The following PEX5L variants were observed in gnomAD, a reference collection of about 807,000 sequenced individuals.
PEX5L encodes PEX5-related protein.
A neutral mutation model predicts 84.0 loss-of-function variants in PEX5L; 30 were observed. The observed-to-expected ratio is 0.36, with a 90% CI of 0.27 to 0.48. The LOEUF is 0.48. Ranked by LOEUF, PEX5L falls within the 20% of genes least tolerant of loss-of-function variation. The probability of loss-of-function intolerance (pLI) is 0.99; values close to 1 mark genes in which losing one functional copy is unlikely to be tolerated. For synonymous variants in PEX5L, 270 were observed against 283.1 expected, an observed-to-expected ratio of 0.95 and a Z score of 0.46; for missense variants, 533 against 754.6, an observed-to-expected ratio of 0.71 and a Z score of 3.44.
At chr3:179,808,544 T>C in intron 12 of PEX5L, 107 bp from the exon 13 acceptor site, 1 of 830,668 alleles carries the variant, frequency 1.2e-6, no homozygotes, top group Non-Finnish European at 1.7e-6. Context: ...CGTTACAGAC[T>C]GGAAAATTTT....
intron 2 of PEX5L, among the ~76,000 whole-genome samples, chr3:179,912,653 T>C (rs1012045423): frequency 2.0e-5 from 3 of 152,104 alleles, no homozygotes; most frequent in African/African-American, 7.2e-5. Flanking sequence ...GAATTTATGT[T>C]TGAAAATTTA....
At chr3:179,804,504 T>C (rs1001097856) in intron 14 of PEX5L, 5 of 152,172 alleles carry the variant, frequency 3.3e-5, no homozygotes, top group African/African-American at 1.2e-4. Context: ...TGGAGCTCTA[T>C]TGACAAAGGT....
chr3:179,828,449 T>A (rs1331583360), intron 8 of PEX5L, among the ~76,000 whole-genome samples: 2 of 152,164 alleles, frequency 1.3e-5, no homozygotes, highest in Non-Finnish European at 2.9e-5. Context: ...AACTTTCAGA[T>A]GCTGCATGTA....
At chr3:180,016,531 T>C (rs1789963380) in intron 1 of PEX5L, among the ~76,000 whole-genome samples, 4 of 152,202 alleles carry the variant, frequency 2.6e-5, no homozygotes, top group Admixed American at 2.0e-4. Context: ...CACGCAGGAA[T>C]GAACAATACA....
chr3:179,859,552 T>G (rs951976431), intron 7 of PEX5L, among the ~76,000 whole-genome samples: 53 of 152,336 alleles, frequency 3.5e-4, no homozygotes, highest in African/African-American at 1.3e-3. Flanking sequence ...TATTCAAGCT[T>G]TCAGCTTGTG....
In PEX5L at chr3:179,796,049, A is replaced by G. The variant is rs555428679; in HGVS notation, c.*5779T>C. 1.3e-5 allele frequency: 2 copies of G among 152,324 alleles called. No individual in the cohort carries two copies. Among genetic ancestry groups the G allele is most frequent in the Non-Finnish European group, 2.9e-5 (2 of 68,026 alleles). 9.4% of individuals were successfully genotyped at this position (152,324 alleles called of 1,614,324 possible). On this transcript the variant is annotated 3_prime_UTR_variant, in exon 15 of 15. Transcript: ENST00000467460. ...ATTTCTCACATGGCAGAATTCTTGT[A>G]TGGTATCCATGCAGAAATGCTATAT...
At chr3:179,980,356 A>G (rs556585624) in intron 1 of PEX5L, among the ~76,000 whole-genome samples, 1 of 152,234 alleles carries the variant, frequency 6.6e-6, no homozygotes, top group South Asian at 2.1e-4. Flanking sequence ...CACAGTCATG[A>G]CATCTTAGAA....
chr3:179,804,927 T>C (rs12106676), intron 14 of PEX5L, among the ~76,000 whole-genome samples: 1,654 of 152,294 alleles, frequency 0.011, 24 homozygotes, highest in Middle Eastern at 0.031. Context: ...GAGACAAGTC[T>C]GGCCAACCTG....
At chr3:180,011,674 T>C (rs921802948) in intron 1 of PEX5L, among the ~76,000 whole-genome samples, 1 of 152,204 alleles carries the variant, frequency 6.6e-6, no homozygotes. Flanking sequence ...AAATGAGATA[T>C]AGTTTGCTAA....
intron 4 of PEX5L, among the ~76,000 whole-genome samples, chr3:179,886,195 T>C (rs1335494647): frequency 6.6e-6 from 1 of 152,218 alleles, no homozygotes; most frequent in African/African-American, 2.4e-5. Flanking sequence ...TCACCTGCAA[T>C]TGGACATACA....
chr3:179,990,812 A>G (rs1388229198), intron 1 of PEX5L, among the ~76,000 whole-genome samples: 1 of 152,164 alleles, frequency 6.6e-6, no homozygotes, highest in Non-Finnish European at 1.5e-5. Flanking sequence ...TTTAATTTTC[A>G]CAGACTCCTG....
At chr3:179,971,568 G>T in intron 2 of PEX5L, 26 bp downstream of exon 2, 1 of 1,597,236 alleles carries the variant, frequency 6.3e-7, no homozygotes, top group African/African-American at 1.3e-5. Context: ...TAGAACAGTA[G>T]AAAATGTACG....
chr3:180,033,208 G>C (rs941393728), intron 1 of PEX5L, among the ~76,000 whole-genome samples: 1 of 152,126 alleles, frequency 6.6e-6, no homozygotes. Flanking sequence ...TACTTTTTGG[G>C]CTGTTAATAA....
chr3:179,831,849 C>T (rs561691208), intron 8 of PEX5L, among the ~76,000 whole-genome samples: 10 of 152,230 alleles, frequency 6.6e-5, no homozygotes, highest in East Asian at 1.9e-4. Context: ...CTGATTATGA[C>T]GATGCCAGTG....
chr3:179,939,287 C>G (rs1775423655), intron 2 of PEX5L, among the ~76,000 whole-genome samples: 1 of 152,192 alleles, frequency 6.6e-6, no homozygotes, highest in African/African-American at 2.4e-5. Context: ...AAAGCCTTCT[C>G]AAAATTCTTA....
intron 1 of PEX5L, chr3:179,974,227 A>G: frequency 1.0e-6 from 1 of 983,512 alleles, no homozygotes; most frequent in Non-Finnish European, 1.2e-6. Flanking sequence ...AACTAGAAGG[A>G]AAAAGAAAGC....
intron 2 of PEX5L, among the ~76,000 whole-genome samples, chr3:179,940,034 G>A (rs937201396): frequency 6.6e-6 from 1 of 152,224 alleles, no homozygotes; most frequent in African/African-American, 2.4e-5. Context: ...TACATGAGGT[G>A]CAAAATTTTA....
At chr3:179,990,024 T>C (rs138750852) in intron 1 of PEX5L, among the ~76,000 whole-genome samples, 127 of 152,344 alleles carry the variant, frequency 8.3e-4, no homozygotes, top group African/African-American at 2.9e-3. Context: ...TGAAAATTAC[T>C]TATAGGTACA....
intron 2 of PEX5L, among the ~76,000 whole-genome samples, chr3:179,925,051 G>A (rs1160257440): frequency 6.6e-6 from 1 of 152,166 alleles, no homozygotes; most frequent in Non-Finnish European, 1.5e-5. Context: ...AAAGTCCTAA[G>A]GAGGAAAGAG....
Sources: gnomAD v4.1 joint callset for allele counts (sites outside exome capture counted in the v4.1 genomes callset) on GRCh38, gnomAD v4.1.1 for gene constraint, MANE v1.5 for transcripts, NCBI Gene and HGNC (gene_info 2026-07-23, HGNC 2026-07-21) for gene names.